ABCA12: variants seen among roughly 807,000 people sequenced by gnomAD.
The protein encoded by ABCA12 is ATP binding cassette subfamily A member 12.
Under a neutral mutation model 293.5 loss-of-function variants are expected in ABCA12, and 156 were observed. The observed-to-expected ratio is 0.53, with a 90% confidence interval of 0.47 to 0.61. The LOEUF (loss-of-function observed/expected upper bound fraction) is 0.61. ABCA12 is among the 20% of genes least tolerant of loss of function. The probability of loss-of-function intolerance (pLI) is 0.00; values close to 1 mark genes in which losing one functional copy is unlikely to be tolerated. For missense variants in ABCA12, 2,797 were observed against 3,090.2 expected (o/e 0.91, Z 2.25); for synonymous variants, 1,063 against 1,108.0 (o/e 0.96, Z 0.81).
intron 5 of ABCA12, among the ~76,000 whole-genome samples, chr2:215,051,043 A>T (rs548257661): frequency 4.6e-5 from 7 of 152,274 alleles, no homozygotes; most frequent in Admixed American, 1.3e-4. Flanking sequence ...TGAGAAAGAT[A>T]ACTTGGGAGT....
chr2:214,951,299 G>A (rs1040091278), intron 44 of ABCA12, among the ~76,000 whole-genome samples: 1 of 152,044 alleles, frequency 6.6e-6, no homozygotes, highest in Non-Finnish European at 1.5e-5. Flanking sequence ...TGTTCTCCAT[G>A]CCTTAAATGT....
intron 11 of ABCA12, among the ~76,000 whole-genome samples, chr2:215,024,709 A>C (rs1700701852): frequency 6.6e-6 from 1 of 152,206 alleles, no homozygotes; most frequent in Admixed American, 6.5e-5. Context: ...CATGTTCACT[A>C]TACAAGTCAT....
intron 20 of ABCA12, among the ~76,000 whole-genome samples, chr2:215,003,649 T>G (rs1700190195): frequency 1.4e-5 from 2 of 144,340 alleles, no homozygotes; most frequent in South Asian, 4.5e-4. Context: ...TGCATTTATA[T>G]TACATTATTA....
intron 22 of ABCA12, among the ~76,000 whole-genome samples, chr2:215,000,424 A>C (rs1320547495): frequency 6.6e-6 from 1 of 152,282 alleles, no homozygotes; most frequent in East Asian, 1.9e-4. Flanking sequence ...GCAGCAATGT[A>C]CTCAGGTCTG....
intron 2 of ABCA12, among the ~76,000 whole-genome samples, chr2:215,078,674 G>C (rs766862706): frequency 6.6e-6 from 1 of 152,116 alleles, no homozygotes; most frequent in Non-Finnish European, 1.5e-5. Flanking sequence ...TCCATAATGT[G>C]GAGATACTGC....
chr2:214,947,582 G>A, intron 47 of ABCA12, 26 bp from the exon 48 acceptor site: 1 of 1,612,980 alleles, frequency 6.2e-7, no homozygotes, highest in East Asian at 2.2e-5. Context: ...GGGGAGTTAG[G>A]TTGACCTTCC....
intron 1 of ABCA12, among the ~76,000 whole-genome samples, chr2:215,118,131 G>C (rs1347574530): frequency 6.6e-6 from 1 of 152,202 alleles, no homozygotes. Context: ...ACAGGGCATG[G>C]TGGCTAATGC....
At position 215,010,377 on chromosome 2, in the gene ABCA12, A is replaced by G. The variant is rs1403525047; in HGVS notation, c.2426T>C (p.Ile809Thr). 1 of 1,613,716 alleles carries G rather than the reference A, an allele frequency of 6.2e-7. No individual in the cohort carries two copies. The highest frequency in any genetic ancestry group is 8.5e-7 in the Non-Finnish European group (1 of 1,179,792). The change falls in exon 18 of 53, where the codon ATT becomes ACT. Residue 809 changes from isoleucine (I) to threonine (T), a missense_variant. Transcript: ENST00000272895. Reference protein sequence around the residue: ...AFLKPMLLGRILYAPYNPVTK... With the variant: ...AFLKPMLLGRTLYAPYNPVTK... ...GACTGGGTTATATGGTGCATACAAA[A>G]TTCTTCCCAACAACATAGGTTTCAA...
chr2:215,050,890 A>G (rs1701306717), intron 5 of ABCA12: 1 of 829,224 alleles, frequency 1.2e-6, no homozygotes, highest in African/African-American at 1.8e-5. Context: ...AGGCATCAAT[A>G]TATCATCCTA....
At chr2:215,074,454 A>G (rs986773246) in intron 2 of ABCA12, among the ~76,000 whole-genome samples, 3 of 152,140 alleles carry the variant, frequency 2.0e-5, no homozygotes, top group Admixed American at 2.0e-4. Flanking sequence ...TAAAGTACAC[A>G]CTCTATAATA....
chr2:214,971,948 T>G (rs1010404753), intron 36 of ABCA12, among the ~76,000 whole-genome samples: 2 of 152,208 alleles, frequency 1.3e-5, no homozygotes, highest in African/African-American at 4.8e-5. Flanking sequence ...TTTTAGCCAT[T>G]CTGGTGAGTG....
chr2:215,023,186 T>A (rs1316852949), intron 11 of ABCA12: 1 of 152,226 alleles, frequency 6.6e-6, no homozygotes, highest in Admixed American at 6.5e-5. Flanking sequence ...CATCAGTAAC[T>A]GTGAAACTCT....
chr2:214,967,617 GGA>G (rs1481798739), intron 38 of ABCA12, among the ~76,000 whole-genome samples: 1 of 152,180 alleles, frequency 6.6e-6, no homozygotes, highest in Non-Finnish European at 1.5e-5. Flanking sequence ...CTGTGTGTGT[GGA>G]GAGAGAGAAG....
At chr2:214,958,734 G>C (rs922805596) in intron 40 of ABCA12, among the ~76,000 whole-genome samples, 3 of 152,106 alleles carry the variant, frequency 2.0e-5, no homozygotes, top group African/African-American at 7.2e-5. Flanking sequence ...TATCATTCTT[G>C]AGCATAGGAA....
At chr2:214,962,881 A>G (rs1699150984) in intron 39 of ABCA12, 1 of 152,166 alleles carries the variant, frequency 6.6e-6, no homozygotes, top group African/African-American at 2.4e-5. Flanking sequence ...TGAGAAAAAG[A>G]GAGAATGTAC....
In ABCA12 at chr2:214,932,179, A is replaced by G. The variant is rs879722109; in HGVS notation, c.*455T>C. Reference sequence around the variant, plus strand: ...TTCACACATCACAGCCGATTCATGTATTCATGATGATGTTCATTCTGTTGT... The same window carrying G: ...TTCACACATCACAGCCGATTCATGTGTTCATGATGATGTTCATTCTGTTGT... On this transcript the variant is annotated 3_prime_UTR_variant, in exon 53 of 53. Transcript: ENST00000272895. The G allele has an allele frequency of 1.6e-4, 37 of 230,524 alleles. No homozygotes were observed. The highest frequency in any genetic ancestry group is 2.5e-4 in the Non-Finnish European group (29 of 116,266). 14.3% of individuals were successfully genotyped at this position (230,524 alleles called of 1,614,324 possible).
chr2:214,985,949 A>T (rs2105970848), intron 28 of ABCA12, among the ~76,000 whole-genome samples: 1 of 152,316 alleles, frequency 6.6e-6, no homozygotes, highest in South Asian at 2.1e-4. Flanking sequence ...GTGAGGAGTG[A>T]GAAAGAACAG....
intron 38 of ABCA12, 74 bp downstream of exon 38, chr2:214,968,646 T>G (rs980703085): frequency 6.8e-7 from 1 of 1,463,518 alleles, no homozygotes; most frequent in Non-Finnish European, 9.6e-7. Context: ...TGTTTTCACT[T>G]CATGAAAATG....
intron 7 of ABCA12, among the ~76,000 whole-genome samples, chr2:215,040,000 C>T (rs889727460): frequency 2.0e-5 from 3 of 152,086 alleles, no homozygotes; most frequent in East Asian, 1.9e-4. Context: ...ATTAAATTTA[C>T]GGATGAAAAA....
Sources: gnomAD v4.1 joint callset for allele counts (sites outside exome capture counted in the v4.1 genomes callset) on GRCh38, gnomAD v4.1.1 for gene constraint, MANE v1.5 for transcripts, NCBI Gene and HGNC (gene_info 2026-07-23, HGNC 2026-07-21) for gene names.